The following TXNL4A variants were observed in gnomAD, a reference collection of about 807,000 sequenced individuals.
TXNL4A encodes the protein thioredoxin like 4A, also known as thioredoxin-like protein 4A.
TXNL4A carries 17 observed loss-of-function variants against 14.6 expected under a neutral mutation model. That is an observed-to-expected ratio of 1.16 (90% CI 0.80 to 1.74). The LOEUF is 1.74. TXNL4A is among the 40% of genes most tolerant of loss of function. The pLI is 0.00. For synonymous variants in TXNL4A, 83 were observed against 70.6 expected (o/e 1.18, Z -0.88); for missense variants, 74 against 195.2 (o/e 0.38, Z 3.70).
At chr18:80,005,756 A>G (rs2051725775) in intron 1 of TXNL4A, among the ~76,000 whole-genome samples, 1 of 152,110 alleles carries the variant, frequency 6.6e-6, no homozygotes. Flanking sequence ...CTCTACTAAA[A>G]GTACAAGAAT....
intron 2 of TXNL4A, chr18:79,977,240 T>G (rs12604582): frequency 0.13 from 39,365 of 295,870 alleles, 3,128 homozygotes; most frequent in East Asian, 0.27. Context: ...TACAGGCGCT[T>G]TGAGCCACTG....
intron 1 of TXNL4A, among the ~76,000 whole-genome samples, chr18:79,996,905 T>G (rs893537225): frequency 6.6e-6 from 1 of 152,174 alleles, no homozygotes; most frequent in Non-Finnish European, 1.5e-5. Flanking sequence ...ACTGTGCCAC[T>G]GCACTCCAGC....
chr18:80,023,340 A>C lies in TXNL4A; in HGVS notation c.-61+10511T>G, dbSNP rs1432217546. Among the ~76,000 whole-genome samples, 3 of 152,178 alleles carry C rather than the reference A, an allele frequency of 2.0e-5. No individual in the cohort carries two copies. In the East Asian group the frequency reaches 5.8e-4, roughly 29 times the overall value. The stretch of plus-strand genomic sequence containing the variant: ...GGACATAAAAGGAAAAAGAATTAGG[A>C]AACTAGAAGTTTGGGGAAGAGGGCT... On this transcript the variant is annotated intron_variant, in intron 1 of 2. Transcript: ENST00000585474.
intron 1 of TXNL4A, among the ~76,000 whole-genome samples, chr18:80,008,141 T>A (rs28489404): frequency 0.46 from 69,304 of 151,268 alleles, 16,124 homozygotes; most frequent in Non-Finnish European, 0.52. Flanking sequence ...GATGGAGTCT[T>A]AAAAAAAAAT....
chr18:79,985,955 G>A (rs1471128688), intron 1 of TXNL4A: 1 of 152,032 alleles, frequency 6.6e-6, no homozygotes, highest in East Asian at 1.9e-4. Flanking sequence ...TCCAAAAAAG[G>A]GCTTCCAGAA....
rs537911622 is a variant in TXNL4A at position 80,011,268 on chromosome 18, G to A, written c.-61+22583C>T. Among the ~76,000 whole-genome samples the A allele has an allele frequency of 2.6e-5, 4 of 152,154 alleles. No homozygotes were observed. The highest frequency in any genetic ancestry group is 7.2e-5 in the African/African-American group (3 of 41,432). ...AAAAGGGATTGTAGCCAACTGGGAC[G>A]GGAGTTTGCATTTTCCCTTAATTTG... On this transcript the variant is annotated intron_variant, in intron 1 of 2. Coordinates refer to the TXNL4A transcript ENST00000585474. This position sits in a 1 kb window ranked among gnomAD's most constrained non-coding sequence, Gnocchi z 4.1.
At chr18:80,004,921 T>C (rs2051719923) in intron 1 of TXNL4A, among the ~76,000 whole-genome samples, 1 of 152,088 alleles carries the variant, frequency 6.6e-6, no homozygotes, top group South Asian at 2.1e-4. Flanking sequence ...CCAGGGAAAT[T>C]CCCAGAAATG....
chr18:80,000,254 G>A (rs2051690307), intron 1 of TXNL4A, among the ~76,000 whole-genome samples: 1 of 152,206 alleles, frequency 6.6e-6, no homozygotes, highest in Non-Finnish European at 1.5e-5. Context: ...TTGTTGAATG[G>A]ATTTGACCAA....
chr18:80,032,016 G>A (rs1357785644), intron 1 of TXNL4A, among the ~76,000 whole-genome samples: 1 of 152,230 alleles, frequency 6.6e-6, no homozygotes, highest in Non-Finnish European at 1.5e-5. Flanking sequence ...CTAGGGTAAT[G>A]ACTGCTCAGA....
intron 1 of TXNL4A, among the ~76,000 whole-genome samples, chr18:79,997,971 T>A (rs901932570): frequency 4.6e-5 from 7 of 152,086 alleles, no homozygotes; most frequent in African/African-American, 1.7e-4. Flanking sequence ...GCTTAGAGGA[T>A]TTTGGGTCCT....
At chr18:80,003,617 G>C (rs1019187711) in intron 1 of TXNL4A, among the ~76,000 whole-genome samples, 22 of 152,106 alleles carry the variant, frequency 1.4e-4, no homozygotes, top group Non-Finnish European at 1.9e-4. Flanking sequence ...GTGATTTCTA[G>C]GGCAGCAGGA....
upstream of TXNL4A, among the ~76,000 whole-genome samples, chr18:79,991,962 A>C (rs990481778): frequency 6.6e-6 from 1 of 152,226 alleles, no homozygotes; most frequent in Non-Finnish European, 1.5e-5. Context: ...ATGTAAGAAG[A>C]ACATTGGTTC....
intron 1 of TXNL4A, among the ~76,000 whole-genome samples, chr18:80,006,140 C>T (rs1466183893): frequency 3.3e-5 from 5 of 151,814 alleles, no homozygotes; most frequent in Admixed American, 3.3e-4. Flanking sequence ...AATCCCAGCA[C>T]TTTGGGAGGC....
At chr18:79,988,565 G>T, upstream of TXNL4A, 3 of 625,900 alleles carry the variant, frequency 4.8e-6, no homozygotes, top group Non-Finnish European at 6.9e-6. Flanking sequence ...AGAACGTCTG[G>T]GCGCGCACGC....
At chr18:80,007,070 C>T (rs1248381151) in intron 1 of TXNL4A, among the ~76,000 whole-genome samples, 1 of 152,180 alleles carries the variant, frequency 6.6e-6, no homozygotes, top group Non-Finnish European at 1.5e-5. Flanking sequence ...ATGCAGGCTT[C>T]CAGCTGGCTT....
intron 1 of TXNL4A, chr18:79,986,594 A>C: frequency 7.1e-6 from 7 of 985,462 alleles, no homozygotes; most frequent in Non-Finnish European, 8.4e-6. Context: ...AAGACCCTAA[A>C]CACTTACATT....
chr18:80,012,070 C>T lies in TXNL4A; in HGVS notation c.-61+21781G>A, dbSNP rs531716284. On this transcript the variant is annotated intron_variant, in intron 1 of 2. Coordinates refer to the TXNL4A transcript ENST00000585474. ...TCTGGACGCGCCTTTTAAACTCTTA[C>T]TCTGTCTCTTTCTAACTCCTTTGTT... is the stretch of plus-strand genomic sequence containing the variant. Among the ~76,000 whole-genome samples the T allele has an allele frequency of 3.6e-4, 55 of 152,232 alleles. 1 individual carries two copies. The highest frequency in any genetic ancestry group is 1.2e-3 in the African/African-American group (51 of 41,532).
At chr18:80,004,349 A>C (rs2051715891) in intron 1 of TXNL4A, among the ~76,000 whole-genome samples, 1 of 152,150 alleles carries the variant, frequency 6.6e-6, no homozygotes, top group Non-Finnish European at 1.5e-5. Flanking sequence ...GAACTCAGGG[A>C]AACTCTCCCT....
intron 1 of TXNL4A, among the ~76,000 whole-genome samples, chr18:79,987,105 A>T (rs1179521213): frequency 6.6e-6 from 1 of 152,236 alleles, no homozygotes; most frequent in Non-Finnish European, 1.5e-5. Flanking sequence ...GTCAAGTCGC[A>T]TCAGAATTCC....
Sources: allele counts gnomAD v4.1 joint callset (sites outside exome capture counted in the v4.1 genomes callset), GRCh38; gene constraint gnomAD v4.1.1; non-coding constraint Gnocchi (gnomAD v3.1); transcripts MANE v1.5; gene names NCBI Gene and HGNC (gene_info 2026-07-23, HGNC 2026-07-21).